NELL1: variants seen among roughly 807,000 people sequenced by gnomAD.
NELL1 encodes the protein protein kinase C-binding protein NELL1.
A neutral mutation model predicts 107.4 loss-of-function variants in NELL1; 76 were observed. The observed-to-expected ratio is 0.71, with a 90% CI of 0.59 to 0.86. The LOEUF is 0.86. Among genes scored for constraint, NELL1 ranks in the 40% least tolerant of loss-of-function variants. The probability of loss-of-function intolerance (pLI) is 0.00; values close to 1 mark genes in which losing one functional copy is unlikely to be tolerated. For synonymous variants in NELL1, 353 were observed against 341.2 expected (o/e 1.03, Z -0.38); for missense variants, 1,024 against 1,005.5 (o/e 1.02, Z -0.25).
intron 16 of NELL1, among the ~76,000 whole-genome samples, chr11:21,546,298 A>G: frequency 6.6e-6 from 1 of 151,964 alleles, no homozygotes; most frequent in East Asian, 1.9e-4. Flanking sequence ...ATGTAGTTTC[A>G]GCTTCCTGCC....
At chr11:21,265,693 G>A (rs1848621013) in intron 14 of NELL1, among the ~76,000 whole-genome samples, 1 of 151,958 alleles carries the variant, frequency 6.6e-6, no homozygotes, top group Non-Finnish European at 1.5e-5. Context: ...GTTTCTGTTT[G>A]CATTAAGGCA....
At chr11:21,526,582 C>T (rs79094768) in intron 15 of NELL1, among the ~76,000 whole-genome samples, 5,986 of 152,310 alleles carry the variant, frequency 0.039, 163 homozygotes, top group Non-Finnish European at 0.06. Context: ...GCCCCTGTAG[C>T]AAATTTCTAC....
intron 15 of NELL1, among the ~76,000 whole-genome samples, chr11:21,404,219 A>G (rs1852176892): frequency 6.6e-6 from 1 of 151,836 alleles, no homozygotes; most frequent in South Asian, 2.1e-4. Context: ...ATATCTCAGT[A>G]CATTCATTTT....
chr11:21,269,410 A>T (rs1278997136), intron 14 of NELL1, among the ~76,000 whole-genome samples: 1 of 151,606 alleles, frequency 6.6e-6, no homozygotes, highest in Non-Finnish European at 1.5e-5. Context: ...ATCCTATTCG[A>T]ACTGCAGAAA....
intron 13 of NELL1, among the ~76,000 whole-genome samples, chr11:21,131,720 G>C (rs980379812): frequency 1.3e-5 from 2 of 152,012 alleles, no homozygotes; most frequent in Admixed American, 6.6e-5. Context: ...TTATTGTAAG[G>C]GTCCCTTTTA....
chr11:21,571,596 G>C (rs77002045), intron 18 of NELL1, among the ~76,000 whole-genome samples: 11,055 of 151,740 alleles, frequency 0.073, 499 homozygotes, highest in Non-Finnish European at 0.099. Flanking sequence ...TTCCTACCTT[G>C]AAAAATCTTT....
intron 12 of NELL1, among the ~76,000 whole-genome samples, chr11:21,084,071 A>G (rs1019186719): frequency 1.3e-5 from 2 of 152,102 alleles, no homozygotes; most frequent in African/African-American, 4.8e-5. Context: ...TCTCATTGTA[A>G]TTACTGCAGG....
chr11:21,527,605 A>G (rs1001751165), intron 15 of NELL1, among the ~76,000 whole-genome samples: 5 of 152,188 alleles, frequency 3.3e-5, no homozygotes, highest in African/African-American at 7.2e-5. Context: ...ATCACAAGCT[A>G]AAGTCCCACA....
intron 12 of NELL1, among the ~76,000 whole-genome samples, chr11:21,084,142 T>G (rs1234766500): frequency 6.6e-6 from 1 of 152,170 alleles, no homozygotes; most frequent in Non-Finnish European, 1.5e-5. Flanking sequence ...AAGTAAGAGA[T>G]GCTTTGTTTC....
chr11:21,315,861 TTGG>T (rs148401464), intron 14 of NELL1, among the ~76,000 whole-genome samples: 82,514 of 150,792 alleles, frequency 0.55, 23,109 homozygotes, highest in African/African-American at 0.63. Context: ...TTTGAATGTG[TTGG>T]TGGTGGTGGT....
intron 2 of NELL1, among the ~76,000 whole-genome samples, chr11:20,771,459 T>C (rs1409125515): frequency 6.6e-6 from 1 of 152,228 alleles, no homozygotes; most frequent in Non-Finnish European, 1.5e-5. Flanking sequence ...TACTTGTGTG[T>C]GAGAGAAGAC....
intron 16 of NELL1, among the ~76,000 whole-genome samples, chr11:21,536,642 TC>T (rs2133973570): frequency 6.6e-6 from 1 of 152,296 alleles, no homozygotes; most frequent in African/African-American, 2.4e-5. Context: ...TTCTGTTTCT[TC>T]AGTGAGGCCC....
intron 9 of NELL1, among the ~76,000 whole-genome samples, chr11:20,932,167 A>C (rs1850631993): frequency 6.6e-6 from 1 of 152,128 alleles, no homozygotes; most frequent in African/African-American, 2.4e-5. Context: ...TGCACATTAA[A>C]ATCCTTTGGT....
intron 2 of NELL1, among the ~76,000 whole-genome samples, chr11:20,744,246 A>G (rs915167838): frequency 1.3e-5 from 2 of 152,118 alleles, no homozygotes; most frequent in South Asian, 4.1e-4. Context: ...GTGACTTACC[A>G]CTATGATTAA....
intron 13 of NELL1, among the ~76,000 whole-genome samples, chr11:21,219,778 A>G (rs1292222848): frequency 6.6e-6 from 1 of 152,220 alleles, no homozygotes; most frequent in East Asian, 1.9e-4. Flanking sequence ...GTCAAAAATC[A>G]GTTGGCTGTT....
intron 4 of NELL1, among the ~76,000 whole-genome samples, chr11:20,854,019 T>C (rs1848836275): frequency 6.6e-6 from 1 of 152,084 alleles, no homozygotes; most frequent in South Asian, 2.1e-4. Context: ...AGAAACTTAC[T>C]CCCCACCACT....
At chr11:20,825,479 C>T (rs747430459) in intron 3 of NELL1, among the ~76,000 whole-genome samples, 3 of 151,452 alleles carry the variant, frequency 2.0e-5, no homozygotes, top group Non-Finnish European at 4.4e-5. Context: ...GAGTCCACCT[C>T]TTGCATCTGT....
chr11:20,785,697 C>T (rs899017817), intron 3 of NELL1, among the ~76,000 whole-genome samples: 1 of 152,122 alleles, frequency 6.6e-6, no homozygotes, highest in African/African-American at 2.4e-5. Flanking sequence ...TTTGTGACAC[C>T]AGCTCTTCAA....
rs887432410 is a variant in NELL1 at position 21,534,504 on chromosome 11, G to T, written c.1776G>T (p.Glu592Asp). ...HDDGTYSLSG[E>D]SCIDIDECAL... is the part of the protein sequence containing the mutation. Reference sequence around the variant, plus strand: ...ATGGGACCTATTCACTGTCCGGGGAGTCCTGTATTGGTAAGCAGCTTTCAG... The same window carrying T: ...ATGGGACCTATTCACTGTCCGGGGATTCCTGTATTGGTAAGCAGCTTTCAG... Residue 592 changes from glutamate (E) to aspartate (D), a missense_variant, in exon 16 of 20, where the codon GAG becomes GAT. Glu to Asp is a conservative substitution (Grantham distance 45). Coordinates refer to ENST00000357134, the MANE Select transcript of NELL1 (RefSeq NM_006157.5). 6.2e-7 allele frequency: 1 copy of T among 1,613,754 alleles called. No homozygotes were observed. The highest frequency in any genetic ancestry group is 8.5e-7 in the Non-Finnish European group (1 of 1,179,772).
Sources: gnomAD v4.1 joint callset for allele counts (sites outside exome capture counted in the v4.1 genomes callset) on GRCh38, gnomAD v4.1.1 for gene constraint, MANE v1.5 for transcripts, NCBI Gene and HGNC (gene_info 2026-07-23, HGNC 2026-07-21) for gene names.